DCC: variants seen among roughly 807,000 people sequenced by gnomAD.
DCC encodes the protein netrin receptor DCC.
In DCC, 58 loss-of-function variants were observed where a neutral mutation model predicts 172.5. The observed-to-expected ratio is 0.34, with a 90% CI of 0.27 to 0.42. DCC has a LOEUF of 0.42. DCC is among the 10% of genes least tolerant of loss of function. The pLI is 1.00. For synonymous variants in DCC, 709 were observed against 644.5 expected (o/e 1.10, Z -1.52); for missense variants, 1,740 against 1,791.0 (o/e 0.97, Z 0.51).
intron 1 of DCC, among the ~76,000 whole-genome samples, chr18:52,576,755 G>A (rs1447743012): frequency 6.6e-6 from 1 of 151,624 alleles, no homozygotes; most frequent in African/African-American, 2.4e-5. Context: ...GCGTGAACCC[G>A]GGAGGCAGAG....
In DCC at chr18:52,909,053, G is replaced by A. The variant is rs149755407; in HGVS notation, c.697+2725G>A. Among the ~76,000 whole-genome samples the A allele has an allele frequency of 1.4e-3, 207 of 152,178 alleles. 1 individual carries two copies. Among genetic ancestry groups the A allele is most frequent in the African/African-American group, 4.8e-3 (199 of 41,534 alleles). ...AGTTGGTTTAGAGGTCAAATTCACA[G>A]ATGCGCAATAAGTACAAGATTGAGT... is the stretch of plus-strand genomic sequence containing the variant. On this transcript the variant is annotated intron_variant, in intron 3 of 28. Transcript: ENST00000442544.
chr18:52,947,941 T>G (rs2040574543), intron 5 of DCC, among the ~76,000 whole-genome samples: 1 of 152,166 alleles, frequency 6.6e-6, no homozygotes, highest in Non-Finnish European at 1.5e-5. Flanking sequence ...AAGTAAGACC[T>G]GAAAGACAAG....
intron 1 of DCC, among the ~76,000 whole-genome samples, chr18:52,681,254 C>G (rs2035745784): frequency 6.6e-6 from 1 of 152,032 alleles, no homozygotes; most frequent in Admixed American, 6.6e-5. Flanking sequence ...TCCTCCAAAG[C>G]CATTTTTTTC....
At chr18:53,365,292 A>G (rs2057992765) in intron 15 of DCC, among the ~76,000 whole-genome samples, 1 of 152,052 alleles carries the variant, frequency 6.6e-6, no homozygotes, top group Non-Finnish European at 1.5e-5. Flanking sequence ...CATGGTGCAT[A>G]TGTGCCACAT....
At chr18:52,735,498 T>G (rs72916196) in intron 1 of DCC, among the ~76,000 whole-genome samples, 3 of 151,982 alleles carry the variant, frequency 2.0e-5, no homozygotes, top group East Asian at 1.9e-4. Context: ...ATAGGCCATC[T>G]GCAGTCTGAG....
chr18:52,397,202 GC>G (rs11309031), intron 1 of DCC, among the ~76,000 whole-genome samples: 4,183 of 151,962 alleles, frequency 0.028, 184 homozygotes, highest in African/African-American at 0.096. Flanking sequence ...TGATTTCTGG[GC>G]CCCACTACTA....
At chr18:53,290,735 T>C (rs1406061432) in intron 12 of DCC, among the ~76,000 whole-genome samples, 1 of 152,144 alleles carries the variant, frequency 6.6e-6, no homozygotes, top group Non-Finnish European at 1.5e-5. Context: ...CATACCTAAA[T>C]TTTTCTGTAT....
At chr18:52,928,393 T>G (rs2040252095) in intron 5 of DCC, among the ~76,000 whole-genome samples, 1 of 152,100 alleles carries the variant, frequency 6.6e-6, no homozygotes, top group Admixed American at 6.6e-5. Flanking sequence ...GAGATGCAAC[T>G]TATCTATATA....
chr18:53,115,793 T>G (rs1304712012), intron 7 of DCC, among the ~76,000 whole-genome samples: 4 of 151,698 alleles, frequency 2.6e-5, no homozygotes, highest in African/African-American at 9.7e-5. Flanking sequence ...TTTTTTGTAT[T>G]TGCTAAAAGA....
intron 27 of DCC, among the ~76,000 whole-genome samples, chr18:53,519,718 A>G (rs1303354779): frequency 6.6e-6 from 1 of 151,988 alleles, no homozygotes; most frequent in Non-Finnish European, 1.5e-5. Flanking sequence ...AAAAGCGTTC[A>G]TGTTTAGGCC....
At chr18:53,266,301 T>C (rs1166152661) in intron 12 of DCC, among the ~76,000 whole-genome samples, 2 of 152,224 alleles carry the variant, frequency 1.3e-5, no homozygotes, top group Non-Finnish European at 2.9e-5. Flanking sequence ...GGCCATGTAA[T>C]AGATGCTCTA....
intron 1 of DCC, among the ~76,000 whole-genome samples, chr18:52,582,665 A>G (rs535105998): frequency 1.2e-4 from 18 of 152,294 alleles, no homozygotes; most frequent in African/African-American, 4.1e-4. Flanking sequence ...AAAGATGACT[A>G]GGGACAGGGC....
intron 5 of DCC, among the ~76,000 whole-genome samples, chr18:53,021,152 C>A (rs374069771): frequency 8.5e-5 from 13 of 152,138 alleles, no homozygotes; most frequent in African/African-American, 2.7e-4. Context: ...GGCTTCCTCA[C>A]ACACACGGCA....
intron 2 of DCC, among the ~76,000 whole-genome samples, chr18:52,806,738 A>C (rs185823582): frequency 5.5e-4 from 84 of 152,306 alleles, no homozygotes; most frequent in Non-Finnish European, 8.8e-5. Flanking sequence ...ATTGTAAACT[A>C]TCATGGCAGT....
intron 12 of DCC, among the ~76,000 whole-genome samples, chr18:53,237,525 A>T (rs2056224211): frequency 6.6e-6 from 1 of 152,126 alleles, no homozygotes; most frequent in Non-Finnish European, 1.5e-5. Flanking sequence ...GTGCTCATGC[A>T]GGGTGCCTGC....
At chr18:52,448,189 G>A (rs1015817733) in intron 1 of DCC, among the ~76,000 whole-genome samples, 5 of 152,144 alleles carry the variant, frequency 3.3e-5, no homozygotes, top group Non-Finnish European at 4.4e-5. Flanking sequence ...ACCCTACTGT[G>A]AACTGCACAT....
chr18:53,044,069 G>A (rs1015486438), intron 5 of DCC, among the ~76,000 whole-genome samples: 3 of 151,742 alleles, frequency 2.0e-5, no homozygotes, highest in South Asian at 2.1e-4. Context: ...ACTAATATCC[G>A]GATTATTGAA....
At chr18:53,091,835 CTATCTATCTATCTATCAATCTATCTA>C (rs2043014312) in intron 7 of DCC, among the ~76,000 whole-genome samples, 2 of 73,584 alleles carry the variant, frequency 2.7e-5, no homozygotes, top group African/African-American at 1.4e-4. Context: ...ATCTATCTAT[CTATCTATCTATCTATCAATCTATCTA>C]TATATATATA....
At chr18:52,858,319 A>T (rs1260068881) in intron 2 of DCC, among the ~76,000 whole-genome samples, 1 of 152,006 alleles carries the variant, frequency 6.6e-6, no homozygotes, top group African/African-American at 2.4e-5. Flanking sequence ...GATCATTGTA[A>T]GCAGCAGCAG....
Sources: allele counts gnomAD v4.1 joint callset (sites outside exome capture counted in the v4.1 genomes callset), GRCh38; gene constraint gnomAD v4.1.1; transcripts MANE v1.5; gene names NCBI Gene and HGNC (gene_info 2026-07-23, HGNC 2026-07-21).